PDE8B: variants seen among roughly 807,000 people sequenced by gnomAD.
PDE8B encodes the protein high affinity cAMP-specific and IBMX-insensitive 3',5'-cyclic phosphodiesterase 8B.
PDE8B carries 26 observed loss-of-function variants against 101.3 expected under a neutral mutation model. The ratio of observed to expected loss-of-function variants is 0.26; its 90% CI spans 0.19 to 0.36. The LOEUF is 0.36. Among genes scored for constraint, PDE8B ranks in the 10% least tolerant of loss-of-function variants. The pLI, the probability that PDE8B is intolerant of heterozygous loss-of-function variation, is 1.00. For missense variants in PDE8B, 810 were observed against 1,163.1 expected, an observed-to-expected ratio of 0.70 and a Z score of 4.42; for synonymous variants, 424 against 429.3, an observed-to-expected ratio of 0.99 and a Z score of 0.15.
At chr5:77,246,008 G>A (rs1003958314) in intron 1 of PDE8B, among the ~76,000 whole-genome samples, 14 of 151,704 alleles carry the variant, frequency 9.2e-5, no homozygotes, top group Non-Finnish European at 1.5e-4. Context: ...GCACTACCAC[G>A]CCCAGCTAAC....
chr5:77,302,753 A>G (rs1770262561), intron 1 of PDE8B, among the ~76,000 whole-genome samples: 1 of 152,190 alleles, frequency 6.6e-6, no homozygotes, highest in Non-Finnish European at 1.5e-5. Flanking sequence ...CTTAAATCTC[A>G]GCTTCATCCT....
intron 11 of PDE8B, among the ~76,000 whole-genome samples, chr5:77,402,151 A>T (rs976623886): frequency 3.3e-5 from 5 of 152,148 alleles, no homozygotes; most frequent in African/African-American, 9.7e-5. Flanking sequence ...AATAGGCTAA[A>T]CCAAGTGTCT....
chr5:77,297,373 C>T (rs184077139), intron 1 of PDE8B, among the ~76,000 whole-genome samples: 1 of 152,230 alleles, frequency 6.6e-6, no homozygotes, highest in Admixed American at 6.5e-5. Context: ...TTGTCAACAC[C>T]AGTAGTTCCC....
intron 2 of PDE8B, among the ~76,000 whole-genome samples, chr5:77,320,101 A>G (rs1475383080): frequency 6.6e-6 from 1 of 152,184 alleles, no homozygotes; most frequent in Admixed American, 6.5e-5. Context: ...CATAATTTTT[A>G]CCATTATTTA....
At chr5:77,284,580 T>C (rs1765626910) in intron 1 of PDE8B, among the ~76,000 whole-genome samples, 1 of 152,190 alleles carries the variant, frequency 6.6e-6, no homozygotes, top group South Asian at 2.1e-4. Context: ...CATTCATAAC[T>C]ATCACACAGG....
the PDE8B span, among the ~76,000 whole-genome samples, chr5:77,200,023 T>C: frequency 6.8e-6 from 1 of 146,688 alleles, no homozygotes; most frequent in African/African-American, 2.5e-5. Flanking sequence ...TTAAACTCTA[T>C]ATAGTAAAAA....
chr5:77,372,936 G>C (rs999033285), intron 10 of PDE8B, among the ~76,000 whole-genome samples: 1 of 152,114 alleles, frequency 6.6e-6, no homozygotes, highest in African/African-American at 2.4e-5. Context: ...GCTGAGGCAG[G>C]AGAATCACTT....
intron 1 of PDE8B, among the ~76,000 whole-genome samples, chr5:77,241,015 G>A (rs1755660686): frequency 6.6e-6 from 1 of 152,172 alleles, no homozygotes; most frequent in Non-Finnish European, 1.5e-5. Context: ...GCAAAAATGA[G>A]GGATAAAGGA....
At chr5:77,302,091 A>C (rs1350065498) in intron 1 of PDE8B, among the ~76,000 whole-genome samples, 1 of 152,014 alleles carries the variant, frequency 6.6e-6, no homozygotes, top group African/African-American at 2.4e-5. Context: ...TGTATAAATA[A>C]TTTCTCTTTA....
chr5:77,171,889 T>C, the PDE8B span, among the ~76,000 whole-genome samples: 4 of 152,148 alleles, frequency 2.6e-5, no homozygotes, highest in Admixed American at 6.5e-5. Context: ...GACCCATTGA[T>C]GAATTCCCCA....
chr5:77,210,697 C>G lies in PDE8B; in HGVS notation c.-229C>G, dbSNP rs1748068894. On this transcript the variant is annotated 5_prime_UTR_variant, in exon 1 of 22. Coordinates refer to ENST00000264917, the MANE Select transcript of PDE8B (RefSeq NM_003719.5). The surrounding 1 kb of genome is among the most constrained non-coding windows in gnomAD (Gnocchi z 4.9). ...GGGGCGCTGTGTATGCGCGCTCCCCCGCTCGGGGAGGAAGATGGCCCAAAA... is the reference window on the plus strand; with the variant it reads ...GGGGCGCTGTGTATGCGCGCTCCCCGGCTCGGGGAGGAAGATGGCCCAAAA... 5.1e-6 allele frequency: 5 copies of G among 980,094 alleles called. No individual in the cohort carries two copies. The highest frequency in any genetic ancestry group is 1.8e-5 in the African/African-American group (1 of 56,654). The allele number at this position is 980,094 out of a possible 1,614,324, so 60.7% of individuals were successfully genotyped here.
chr5:77,181,074 C>G, the PDE8B span, among the ~76,000 whole-genome samples: 1 of 149,170 alleles, frequency 6.7e-6, no homozygotes, highest in East Asian at 2.0e-4. Context: ...TACCCCTACC[C>G]CTACCCCAAC....
chr5:77,188,008 A>C, the PDE8B span, among the ~76,000 whole-genome samples: 1 of 152,210 alleles, frequency 6.6e-6, no homozygotes, highest in African/African-American at 2.4e-5. Flanking sequence ...TGGCTGATTA[A>C]AGAGTAGGAG....
At chr5:77,195,113 C>T in the PDE8B span, among the ~76,000 whole-genome samples, 3 of 152,218 alleles carry the variant, frequency 2.0e-5, no homozygotes, top group Non-Finnish European at 4.4e-5. Context: ...TCTCTCAGTT[C>T]AGGAGGCTGG....
chr5:77,370,228 G>A (rs73136887), intron 10 of PDE8B, among the ~76,000 whole-genome samples: 8,253 of 152,188 alleles, frequency 0.054, 278 homozygotes, highest in African/African-American at 0.086. Context: ...TTTGACAAAT[G>A]TATACACCTT....
At chr5:77,223,629 T>C (rs1480086580) in intron 1 of PDE8B, among the ~76,000 whole-genome samples, 1 of 152,152 alleles carries the variant, frequency 6.6e-6, no homozygotes, top group African/African-American at 2.4e-5. Context: ...TGGTTTTTTG[T>C]CTCTTAGTTT....
the PDE8B span, among the ~76,000 whole-genome samples, chr5:77,096,418 A>G: frequency 6.6e-6 from 1 of 152,126 alleles, no homozygotes; most frequent in Non-Finnish European, 1.5e-5. Context: ...AGACTGGGTA[A>G]TTTATAATGA....
At chr5:77,311,958 A>G in intron 1 of PDE8B, 36 bp from the exon 2 acceptor site, 1 of 1,567,142 alleles carries the variant, frequency 6.4e-7, no homozygotes, top group Non-Finnish European at 8.8e-7. Context: ...GTGTAGTTTA[A>G]GACTTGACGC....
chr5:77,338,559 G>C (rs1323583738), intron 6 of PDE8B, among the ~76,000 whole-genome samples: 6 of 152,100 alleles, frequency 3.9e-5, no homozygotes, highest in Non-Finnish European at 8.8e-5. Context: ...TAGATCCTGT[G>C]GTTTCTTTTT....
Sources: gnomAD v4.1 joint callset for allele counts (sites outside exome capture counted in the v4.1 genomes callset) on GRCh38, gnomAD v4.1.1 for gene constraint, Gnocchi (gnomAD v3.1) non-coding constraint, MANE v1.5 for transcripts, NCBI Gene and HGNC (gene_info 2026-07-23, HGNC 2026-07-21) for gene names.